The following RBFOX1 variants were observed in gnomAD, a reference collection of about 807,000 sequenced individuals.
RBFOX1 encodes RNA binding fox-1 homolog 1.
A neutral mutation model predicts 57.7 loss-of-function variants in RBFOX1; 8 were observed. The observed-to-expected ratio is 0.14, with a 90% CI of 0.08 to 0.25. The LOEUF is 0.25. RBFOX1 is among the 10% of genes least tolerant of loss of function. RBFOX1 has a pLI of 1.00. For missense variants in RBFOX1, 611 were observed against 548.5 expected (o/e 1.11, Z -1.14); for synonymous variants, 326 against 222.4 (o/e 1.47, Z -4.15).
At chr16:5,751,267 A>C (rs1261961965) in intron 3 of RBFOX1, among the ~76,000 whole-genome samples, 1 of 152,196 alleles carries the variant, frequency 6.6e-6, no homozygotes, top group African/African-American at 2.4e-5. Context: ...TCTCAGCTCT[A>C]AACTTCACTG....
chr16:7,668,275 G>A (rs879774502), intron 13 of RBFOX1, among the ~76,000 whole-genome samples: 2 of 152,082 alleles, frequency 1.3e-5, no homozygotes, highest in Non-Finnish European at 2.9e-5. Context: ...TGAAAGACCT[G>A]CGTGATCCCT....
At chr16:6,676,667 T>G (rs1243471835) in intron 3 of RBFOX1, among the ~76,000 whole-genome samples, 2 of 139,420 alleles carry the variant, frequency 1.4e-5, no homozygotes, top group Non-Finnish European at 3.1e-5. Flanking sequence ...TTTTTGTTTT[T>G]CTTTTCTTTT....
In RBFOX1 at chr16:6,869,508, A is replaced by C. The variant is rs190351103; in HGVS notation, c.-15-182549A>C. ...TTAATGTAAATGCCCTGAGTTTTTC[A>C]ACACATATAAAAGGGTTTTATGAAT... is the stretch of plus-strand genomic sequence containing the variant. On this transcript the variant is annotated intron_variant, in intron 3 of 15. Coordinates refer to ENST00000550418, the MANE Select transcript of RBFOX1 (RefSeq NM_018723.4). Among the ~76,000 whole-genome samples the C allele has an allele frequency of 1.9e-4, 29 of 152,076 alleles. No individual in the cohort carries two copies. The East Asian group carries it at 5.6e-3, about 29-fold the overall frequency.
At chr16:6,389,219 C>T (rs1462870392) in intron 2 of RBFOX1, among the ~76,000 whole-genome samples, 1 of 152,066 alleles carries the variant, frequency 6.6e-6, no homozygotes, top group African/African-American at 2.4e-5. Context: ...TCATAGAGCC[C>T]ATTTTTCTGT....
chr16:7,219,682 T>A (rs905223199), intron 4 of RBFOX1, among the ~76,000 whole-genome samples: 2 of 152,160 alleles, frequency 1.3e-5, no homozygotes, highest in African/African-American at 4.8e-5. Context: ...GCCGTATAGA[T>A]CCCTGCTCTG....
At chr16:6,879,280 G>A (rs1414954179) in intron 3 of RBFOX1, among the ~76,000 whole-genome samples, 3 of 152,116 alleles carry the variant, frequency 2.0e-5, no homozygotes, top group Admixed American at 2.0e-4. Flanking sequence ...CCAGTTTTCT[G>A]AAGGGCAGCC....
intron 2 of RBFOX1, among the ~76,000 whole-genome samples, chr16:6,635,476 G>C (rs1314617114): frequency 6.6e-6 from 1 of 152,090 alleles, no homozygotes; most frequent in Non-Finnish European, 1.5e-5. Context: ...AGTGATAACA[G>C]GTTTGGTAAA....
Position 5,807,792 on chromosome 16 carries a change from G to A in RBFOX1, c.319-59511G>A, listed in dbSNP as rs1338415256. 6.6e-5 allele frequency among the ~76,000 whole-genome samples: 10 copies of A among 152,150 alleles called. No individual in the cohort carries two copies. In the East Asian group the frequency reaches 1.9e-3, roughly 29 times the overall value. ...GCAGGCTCTTGTTTACTTGGCCTGG[G>A]ATGGGGCTGGAGAGTCTGTGTACCT... On this transcript the variant is annotated intron_variant, in intron 3 of 19. Coordinates refer to the RBFOX1 transcript ENST00000641259.
At chr16:7,104,233 T>C (rs1205120688) in intron 4 of RBFOX1, among the ~76,000 whole-genome samples, 2 of 152,134 alleles carry the variant, frequency 1.3e-5, no homozygotes, top group African/African-American at 2.4e-5. Context: ...ACTGCAGTAT[T>C]AACCTCTAAA....
chr16:7,104,160 T>A (rs2063170391), intron 4 of RBFOX1, among the ~76,000 whole-genome samples: 2 of 152,158 alleles, frequency 1.3e-5, no homozygotes, highest in South Asian at 4.1e-4. Flanking sequence ...AGATAAGTAA[T>A]AACAAAGTAG....
At chr16:5,290,165 C>G (rs774797797) in intron 1 of RBFOX1, among the ~76,000 whole-genome samples, 15 of 152,180 alleles carry the variant, frequency 9.9e-5, no homozygotes, top group Admixed American at 2.0e-4. Context: ...GTCCAGAACA[C>G]GCAAATCTAT....
chr16:6,400,833 T>G (rs760842828), intron 2 of RBFOX1, among the ~76,000 whole-genome samples: 56 of 152,194 alleles, frequency 3.7e-4, no homozygotes, highest in African/African-American at 1.3e-3. Context: ...AGGCAGAGGT[T>G]GCAGTGAGCT....
chr16:6,999,225 A>ATTTTTTT (rs200620958), intron 3 of RBFOX1, among the ~76,000 whole-genome samples: 10 of 122,954 alleles, frequency 8.1e-5, no homozygotes, highest in Admixed American at 2.6e-4. Flanking sequence ...TATTTTTTTT[A>ATTTTTTT]TTTATTTTTT....
At chr16:7,057,109 C>G (rs1328405283) in intron 4 of RBFOX1, among the ~76,000 whole-genome samples, 1 of 151,900 alleles carries the variant, frequency 6.6e-6, no homozygotes, top group Non-Finnish European at 1.5e-5. Flanking sequence ...AATTATTTCA[C>G]TTCTCTTCCT....
At chr16:6,082,694 A>C (rs1184366903) in intron 1 of RBFOX1, among the ~76,000 whole-genome samples, 1 of 152,102 alleles carries the variant, frequency 6.6e-6, no homozygotes, top group Non-Finnish European at 1.5e-5. Context: ...AATGATTCCC[A>C]AGGAAGGGAC....
chr16:6,654,406 A>T (rs1400300828), intron 2 of RBFOX1, among the ~76,000 whole-genome samples, 197 bp from the exon 3 acceptor site: 2 of 152,194 alleles, frequency 1.3e-5, no homozygotes, highest in African/African-American at 4.8e-5. Context: ...TATGAGATAC[A>T]TATGTCTCTA....
intron 1 of RBFOX1, among the ~76,000 whole-genome samples, chr16:5,371,564 C>T (rs943761165): frequency 6.6e-6 from 1 of 152,244 alleles, no homozygotes; most frequent in African/African-American, 2.4e-5. Context: ...ACTGCTGTAT[C>T]TACCTCCCTT....
chr16:7,570,988 A>T (rs879155517), intron 5 of RBFOX1, among the ~76,000 whole-genome samples: 1 of 152,228 alleles, frequency 6.6e-6, no homozygotes, highest in African/African-American at 2.4e-5. Flanking sequence ...AGGAACAGAA[A>T]ACCGAACACT....
At chr16:6,527,686 G>C (rs763995735) in intron 2 of RBFOX1, among the ~76,000 whole-genome samples, 1 of 147,576 alleles carries the variant, frequency 6.8e-6, no homozygotes, top group Admixed American at 6.6e-5. Context: ...GGAGACTGGA[G>C]AGCCTGTGGT....
Sources: allele counts gnomAD v4.1 joint callset (sites outside exome capture counted in the v4.1 genomes callset), GRCh38; gene constraint gnomAD v4.1.1; transcripts MANE v1.5; gene names NCBI Gene and HGNC (gene_info 2026-07-23, HGNC 2026-07-21).